Variants in TAF3 observed in about 807,000 individuals in gnomAD.
TAF3 encodes the protein transcription initiation factor TFIID subunit 3.
TAF3 carries 7 observed loss-of-function variants against 80.6 expected under a neutral mutation model. The ratio of observed to expected loss-of-function variants is 0.09; its 90% CI spans 0.05 to 0.16. The LOEUF is 0.16. Ranked by LOEUF, TAF3 falls within the 10% of genes least tolerant of loss-of-function variation. TAF3 has a pLI of 1.00. For missense variants in TAF3, 921 were observed against 1,140.2 expected, an observed-to-expected ratio of 0.81 and a Z score of 2.77; for synonymous variants, 444 against 446.1, an observed-to-expected ratio of 1.00 and a Z score of 0.06.
At chr10:7,879,838 G>A (rs1190984964) in intron 2 of TAF3, among the ~76,000 whole-genome samples, 1 of 152,056 alleles carries the variant, frequency 6.6e-6, no homozygotes, top group Non-Finnish European at 1.5e-5. Context: ...ATACATATTT[G>A]GATTTTTAAC....
At chr10:7,936,429 T>C (rs1837920967) in intron 2 of TAF3, among the ~76,000 whole-genome samples, 1 of 152,118 alleles carries the variant, frequency 6.6e-6, no homozygotes, top group African/African-American at 2.4e-5. Context: ...GCAAATTCTT[T>C]TAGAGTTAAG....
intron 2 of TAF3, among the ~76,000 whole-genome samples, chr10:7,945,461 A>G (rs1838015352): frequency 6.6e-6 from 1 of 152,080 alleles, no homozygotes; most frequent in Non-Finnish European, 1.5e-5. Flanking sequence ...GCATTTTAAG[A>G]CCTTTCCTCA....
chr10:7,857,200 T>C lies in TAF3; in HGVS notation c.409+32640T>C, dbSNP rs573524609. 2.6e-5 allele frequency among the ~76,000 whole-genome samples: 4 copies of C among 152,360 alleles called. No homozygotes were observed. In the East Asian group the frequency reaches 7.7e-4, roughly 29 times the overall value. ...TGATATGAGTGACTTTTTTGCTGAA[T>C]TGGATACTAGTTTCTGAATACTGGA... On this transcript the variant is annotated intron_variant, in intron 2 of 6. Transcript: ENST00000344293.
chr10:7,964,447 G>C lies in TAF3; in HGVS notation c.937G>C (p.Gly313Arg). 6.2e-7 allele frequency: 1 copy of C among 1,613,928 alleles called. No individual in the cohort carries two copies. The highest frequency in any genetic ancestry group is 8.5e-7 in the Non-Finnish European group (1 of 1,180,008). The change falls in exon 3 of 7, where the codon GGA (glycine) becomes CGA (arginine). Residue 313 changes from glycine to arginine, a missense_variant. By Grantham distance (125) the Gly-to-Arg change is moderately radical. Transcript: ENST00000344293. This position sits in a 1 kb window ranked among gnomAD's most constrained non-coding sequence, Gnocchi z 4.1. ...KTVSKEKKSP[G>R]RSKSPKSPKS... ...TGTATCCAAAGAAAAGAAATCACCT[G>C]GACGTTCCAAGAGCCCCAAGAGTCC...
At chr10:7,958,505 T>C (rs980074746) in intron 2 of TAF3, among the ~76,000 whole-genome samples, 2 of 151,986 alleles carry the variant, frequency 1.3e-5, no homozygotes, top group Non-Finnish European at 2.9e-5. Context: ...AAAAAAAAAT[T>C]ATAGTATCAT....
chr10:7,878,259 G>T (rs2131151772), intron 2 of TAF3, among the ~76,000 whole-genome samples: 1 of 152,304 alleles, frequency 6.6e-6, no homozygotes, highest in South Asian at 2.1e-4. Flanking sequence ...AGATTCAAAG[G>T]CCTGTCAGTA....
rs1046766585 is a variant in TAF3 at position 7,978,202 on chromosome 10, T to C, written c.2315+879T>C. Among the ~76,000 whole-genome samples, 4 of 152,234 alleles carry C rather than the reference T, an allele frequency of 2.6e-5. No individual in the cohort carries two copies. In the East Asian group the frequency reaches 7.7e-4, roughly 29 times the overall value. ...GTGTTGAAAATAGGCTTACAAGGCA[T>C]TCCATTTACATTCAATTTTTAGCCA... On this transcript the variant is annotated intron_variant, in intron 4 of 6. Transcript: ENST00000344293.
intron 2 of TAF3, among the ~76,000 whole-genome samples, chr10:7,829,530 A>C (rs1243815320): frequency 6.6e-6 from 1 of 152,150 alleles, no homozygotes; most frequent in Non-Finnish European, 1.5e-5. Context: ...ATATTGTCGG[A>C]TGCCCCTCTA....
chr10:7,882,145 A>G (rs961254379), intron 2 of TAF3, among the ~76,000 whole-genome samples: 6 of 152,226 alleles, frequency 3.9e-5, no homozygotes, highest in Admixed American at 3.9e-4. Context: ...ACAATTATAA[A>G]TTTCAAGATG....
intron 2 of TAF3, among the ~76,000 whole-genome samples, chr10:7,947,954 C>A (rs947543424): frequency 6.6e-6 from 1 of 152,118 alleles, no homozygotes; most frequent in Non-Finnish European, 1.5e-5. Flanking sequence ...CAGGAAATGA[C>A]GTTCACAATT....
chr10:7,835,706 G>A (rs971226891), intron 2 of TAF3, among the ~76,000 whole-genome samples: 3 of 152,140 alleles, frequency 2.0e-5, no homozygotes, highest in African/African-American at 7.2e-5. Flanking sequence ...TTGGCCTGCC[G>A]GGCTTTCCAG....
rs945951678 is a variant in TAF3, at chr10:7,964,022, A to G, written c.512A>G (p.Asn171Ser). The change falls in exon 3 of 7, where the codon AAT becomes AGT. Residue 171 changes from asparagine to serine, a missense_variant. By Grantham distance (46) the Asn-to-Ser change is conservative. This residue lies in a region of TAF3 where 743 missense variants were observed against 821.0 expected (regional missense o/e 0.90). Coordinates refer to ENST00000344293, the MANE Select transcript of TAF3 (RefSeq NM_031923.4). The surrounding 1 kb of genome is among the most constrained non-coding windows in gnomAD (Gnocchi z 4.1). ...DDELEEEEIINDENFLGKRPL... is the reference protein window; with the variant it reads ...DDELEEEEIISDENFLGKRPL... ...GAATTGGAGGAGGAAGAAATTATTA[A>G]TGATGAGAATTTCCTGGGCAAGAGA... 2.5e-6 allele frequency: 4 copies of G among 1,614,030 alleles called. No individual in the cohort carries two copies. Among genetic ancestry groups the G allele is most frequent in the African/African-American group, 2.7e-5 (2 of 74,920 alleles).
chr10:7,905,475 A>G (rs562239702), intron 2 of TAF3, among the ~76,000 whole-genome samples: 3 of 152,342 alleles, frequency 2.0e-5, no homozygotes, highest in African/African-American at 7.2e-5. Context: ...TTTAGTTTGG[A>G]TAACGAGTTC....
At chr10:7,845,403 CACTT>C (rs935350159) in intron 2 of TAF3, among the ~76,000 whole-genome samples, 2 of 152,084 alleles carry the variant, frequency 1.3e-5, no homozygotes, top group African/African-American at 2.4e-5. Context: ...TTAATTAAGT[CACTT>C]ACTATATGCT....
chr10:7,858,562 C>T (rs901377632), intron 2 of TAF3, among the ~76,000 whole-genome samples: 10 of 152,162 alleles, frequency 6.6e-5, no homozygotes, highest in African/African-American at 1.9e-4. Context: ...TTGGCAAGTT[C>T]GTATCTGTGT....
At chr10:7,915,824 C>G (rs866188038) in intron 2 of TAF3, among the ~76,000 whole-genome samples, 2 of 150,924 alleles carry the variant, frequency 1.3e-5, no homozygotes, top group African/African-American at 4.9e-5. Context: ...ACTAAAAATA[C>G]AAAAATTAGC....
intron 2 of TAF3, 138 bp from the exon 3 acceptor site, chr10:7,963,782 C>T: frequency 1.2e-6 from 1 of 868,406 alleles, no homozygotes; most frequent in Non-Finnish European, 1.7e-6. Flanking sequence ...ATGTTGTGCC[C>T]ATGTACCCTA....
rs998250635 is a variant in TAF3, at chr10:7,859,485, A to C, written c.409+34925A>C. The stretch of plus-strand genomic sequence containing the variant: ...GAATAGTAGGGACCCATATTCCAAC[A>C]TCGCCAGTTCCTGAAGTCAAGTCTG... On this transcript the variant is annotated intron_variant, in intron 2 of 6. Transcript: ENST00000344293. Among the ~76,000 whole-genome samples, 25 of 152,178 alleles carry C rather than the reference A, an allele frequency of 1.6e-4. 1 individual carries two copies. The highest frequency in any genetic ancestry group is 1.6e-3 in the Admixed American group (25 of 15,302).
At chr10:7,863,608 T>TAAAAAAAA (rs1230925353) in intron 2 of TAF3, among the ~76,000 whole-genome samples, 13 of 20,448 alleles carry the variant, frequency 6.4e-4, no homozygotes, top group Non-Finnish European at 6.8e-4. Flanking sequence ...AAACTCTGTC[T>TAAAAAAAA]AAAAAAAAAA....
Sources: allele counts gnomAD v4.1 joint callset (sites outside exome capture counted in the v4.1 genomes callset), GRCh38; gene constraint gnomAD v4.1.1; regional missense constraint gnomAD v4.1.1; non-coding constraint Gnocchi (gnomAD v3.1); transcripts MANE v1.5; gene names NCBI Gene and HGNC (gene_info 2026-07-23, HGNC 2026-07-21).